The following SAMMSON variants were observed in gnomAD, a reference collection of about 807,000 sequenced individuals.
The protein encoded by SAMMSON is survival associated mitochondrial melanoma specific oncogenic non-coding RNA.
chr3:70,019,411 C>CT (rs935040794), intron 3 of SAMMSON, among the ~76,000 whole-genome samples: 4 of 151,964 alleles, frequency 2.6e-5, no homozygotes, highest in African/African-American at 9.7e-5. Flanking sequence ...CAACCCCTGC[C>CT]TTTTTTTGTT....
At chr3:70,019,240 G>T (rs565144709) in intron 3 of SAMMSON, among the ~76,000 whole-genome samples, 1 of 152,216 alleles carries the variant, frequency 6.6e-6, no homozygotes, top group South Asian at 2.1e-4. Context: ...GATCTCTAAG[G>T]ACTTGCTTTA....
intron 8 of SAMMSON, among the ~76,000 whole-genome samples, chr3:70,355,351 G>C (rs1248994022): frequency 6.6e-6 from 1 of 151,776 alleles, no homozygotes; most frequent in Admixed American, 6.6e-5. Flanking sequence ...ATGAATACAT[G>C]CAAAGAGCCA....
intron 4 of SAMMSON, among the ~76,000 whole-genome samples, chr3:70,093,944 C>T (rs755353): frequency 0.31 from 46,644 of 152,014 alleles, 9,548 homozygotes; most frequent in Non-Finnish European, 0.44. Flanking sequence ...TTTGCAACCC[C>T]TAACCTTCTG....
At chr3:70,045,141 T>TAA (rs2067121363) in intron 3 of SAMMSON, among the ~76,000 whole-genome samples, 1 of 130,760 alleles carries the variant, frequency 7.6e-6, no homozygotes, top group African/African-American at 2.8e-5. Context: ...ATATTATAAT[T>TAA]TATATATATT....
At chr3:70,068,980 T>C (rs752602356) in intron 3 of SAMMSON, 2 of 152,064 alleles carry the variant, frequency 1.3e-5, no homozygotes, top group Non-Finnish European at 2.9e-5. Context: ...CATTGGAATA[T>C]GTTAATTAAG....
intron 6 of SAMMSON, among the ~76,000 whole-genome samples, chr3:70,254,856 T>C (rs1400408575): frequency 6.6e-6 from 1 of 152,212 alleles, no homozygotes; most frequent in African/African-American, 2.4e-5. Flanking sequence ...CTTATTTCTG[T>C]TTAAAAAACT....
intron 9 of SAMMSON, among the ~76,000 whole-genome samples, chr3:70,375,756 T>C (rs529441823): frequency 1.3e-4 from 20 of 152,326 alleles, no homozygotes; most frequent in Middle Eastern, 6.8e-3. Flanking sequence ...ATAGATGGTA[T>C]AATTTTTTCA....
chr3:70,190,951 A>G (rs1390428320), intron 4 of SAMMSON, among the ~76,000 whole-genome samples: 1 of 152,202 alleles, frequency 6.6e-6, no homozygotes, highest in Non-Finnish European at 1.5e-5. Context: ...TTCATCCCTG[A>G]TTTCAGGGAC....
At chr3:70,430,784 G>A (rs1256925860) in intron 2 of SAMMSON, among the ~76,000 whole-genome samples, 3 of 152,074 alleles carry the variant, frequency 2.0e-5, no homozygotes, top group African/African-American at 4.8e-5. Flanking sequence ...TCAAGAATTT[G>A]GTTGATGTAT....
chr3:70,343,156 A>C (rs1258688771), intron 7 of SAMMSON, among the ~76,000 whole-genome samples: 1 of 152,050 alleles, frequency 6.6e-6, no homozygotes, highest in Non-Finnish European at 1.5e-5. Context: ...AATATCTCAC[A>C]CTCGATTTTC....
intron 8 of SAMMSON, among the ~76,000 whole-genome samples, chr3:70,355,272 T>G (rs2106736896): frequency 6.6e-6 from 1 of 152,214 alleles, no homozygotes; most frequent in Admixed American, 6.5e-5. Flanking sequence ...TCACACATTC[T>G]TACATACAAA....
chr3:70,415,834 C>A (rs867683369), intron 2 of SAMMSON, among the ~76,000 whole-genome samples: 5 of 152,094 alleles, frequency 3.3e-5, no homozygotes, highest in African/African-American at 7.2e-5. Flanking sequence ...TGTTGGACAC[C>A]GAGCTACCCT....
chr3:70,314,907 T>C (rs1702485064), intron 7 of SAMMSON, among the ~76,000 whole-genome samples: 1 of 152,136 alleles, frequency 6.6e-6, no homozygotes, highest in African/African-American at 2.4e-5. Flanking sequence ...TGTATCCTTA[T>C]GTCCAACTAA....
At chr3:70,061,824 T>C (rs1175677727) in intron 3 of SAMMSON, among the ~76,000 whole-genome samples, 1 of 152,150 alleles carries the variant, frequency 6.6e-6, no homozygotes, top group Non-Finnish European at 1.5e-5. Context: ...TTGCTGTAGA[T>C]ATGCACAGGT....
At chr3:70,302,762 A>T (rs530889674) in intron 7 of SAMMSON, 1 of 152,162 alleles carries the variant, frequency 6.6e-6, no homozygotes, top group Non-Finnish European at 1.5e-5. Flanking sequence ...GTGCTATTTA[A>T]CAACTTATCG....
At chr3:70,382,514 C>T (rs6802286) in intron 9 of SAMMSON, among the ~76,000 whole-genome samples, 80,552 of 151,818 alleles carry the variant, frequency 0.53, 21,595 homozygotes, top group African/African-American at 0.59. Flanking sequence ...AATAAATAAA[C>T]GTATGAATGA....
At chr3:70,159,958 G>A (rs115552602) in intron 4 of SAMMSON, among the ~76,000 whole-genome samples, 2,004 of 152,086 alleles carry the variant, frequency 0.013, 44 homozygotes, top group African/African-American at 0.045. Flanking sequence ...AGCTTTACAA[G>A]TGCTTCTTAG....
intron 4 of SAMMSON, among the ~76,000 whole-genome samples, chr3:70,099,943 G>A (rs6781981): frequency 0.99 from 150,391 of 152,294 alleles, 74,285 homozygotes; most frequent in East Asian, 1. Context: ...ACTGTCCTGA[G>A]GAAGAACATA....
chr3:70,407,755 C>T (rs1359972943), intron 2 of SAMMSON, among the ~76,000 whole-genome samples: 1 of 152,276 alleles, frequency 6.6e-6, no homozygotes, highest in East Asian at 1.9e-4. Flanking sequence ...GGTGGATCTA[C>T]CATTCTGCAG....
Sources: allele counts gnomAD v4.1 joint callset (sites outside exome capture counted in the v4.1 genomes callset), GRCh38; gene constraint gnomAD v4.1.1; transcripts MANE v1.5; gene names NCBI Gene and HGNC (gene_info 2026-07-23, HGNC 2026-07-21).